Variants in GALNT15 observed in about 807,000 individuals in gnomAD.
The protein encoded by GALNT15 is polypeptide N-acetylgalactosaminyltransferase 15.
GALNT15 carries 67 observed loss-of-function variants against 66.8 expected under a neutral mutation model. That is an observed-to-expected ratio of 1.00 (90% CI 0.82 to 1.23). The LOEUF is 1.23. Ranked by LOEUF, GALNT15 falls within the 50% of genes most tolerant of loss-of-function variation. The pLI is 0.00. For synonymous variants in GALNT15, 313 were observed against 311.5 expected (o/e 1.00, Z -0.05); for missense variants, 827 against 804.3 (o/e 1.03, Z -0.34).
Position 16,187,568 on chromosome 3 carries a change from T to C in GALNT15, c.540-8192T>C, listed in dbSNP as rs2063530798. Among the ~76,000 whole-genome samples the C allele has an allele frequency of 6.6e-6, 1 of 152,192 alleles. No homozygotes were observed. The highest frequency in any genetic ancestry group is 2.1e-4 in the South Asian group (1 of 4,836). ...AAGTGGAAGGCCTTGAGGCTTAATCTTGGGAATTCTCGAATGTCACTTCTA... is the reference window on the plus strand; with the variant it reads ...AAGTGGAAGGCCTTGAGGCTTAATCCTGGGAATTCTCGAATGTCACTTCTA... On this transcript the variant is annotated intron_variant, in intron 1 of 9. Transcript: ENST00000339732. The surrounding 1 kb of genome is among the most constrained non-coding windows in gnomAD (Gnocchi z 5.1).
intron 8 of GALNT15, 34 bp from the exon 9 acceptor site, chr3:16,222,581 C>T: frequency 6.2e-7 from 1 of 1,613,626 alleles, no homozygotes; most frequent in Non-Finnish European, 8.5e-7. Flanking sequence ...GGATCTCTTT[C>T]TAGCTGCGCT....
In GALNT15 at chr3:16,225,425, A is replaced by G. The variant is rs2063996255; in HGVS notation, c.1774-1929A>G. Among the ~76,000 whole-genome samples the G allele has an allele frequency of 6.6e-6, 1 of 152,240 alleles. No homozygotes were observed. The highest frequency in any genetic ancestry group is 2.1e-4 in the South Asian group (1 of 4,830). On this transcript the variant is annotated intron_variant, in intron 9 of 9. Coordinates refer to ENST00000339732, the MANE Select transcript of GALNT15 (RefSeq NM_054110.5). This position sits in a 1 kb window ranked among gnomAD's most constrained non-coding sequence, Gnocchi z 4.4. The stretch of plus-strand genomic sequence containing the variant: ...TTTTTTTAAAAAAGAGGCCAGGCTC[A>G]ATGGCTCACGCCTGTAATCCCAGCA...
chr3:16,181,339 G>C lies in GALNT15; in HGVS notation c.539+5649G>C, dbSNP rs1244334531. Among the ~76,000 whole-genome samples the C allele has an allele frequency of 6.6e-6, 1 of 152,090 alleles. No homozygotes were observed. The highest frequency in any genetic ancestry group is 2.4e-5 in the African/African-American group (1 of 41,414). On this transcript the variant is annotated intron_variant, in intron 1 of 9. Transcript: ENST00000339732. The surrounding 1 kb of genome is among the most constrained non-coding windows in gnomAD (Gnocchi z 5.9). ...TTAAAACTCCCCAGGTGGTTCTATC[G>C]TGAAGCCAGGCTGCAAGGCCCCAGG...
In GALNT15 at chr3:16,219,997, G is replaced by T. The variant is rs760854018; in HGVS notation, c.1612G>T (p.Asp538Tyr). ...GCPMVLAPCS[D>Y]SRQQQYLQHT... ...TCCCATGGTGTTGGCTCCTTGCAGT[G>T]ACAGCCGGCAGCAACAGGTGGGTAG... Residue 538 changes from aspartate (D) to tyrosine (Y), a missense_variant, in exon 8 of 10, where the codon GAC becomes TAC. Transcript: ENST00000339732. This position sits in a 1 kb window ranked among gnomAD's most constrained non-coding sequence, Gnocchi z 4.3. 1 of 1,614,004 alleles carries T rather than the reference G, an allele frequency of 6.2e-7. No individual in the cohort carries two copies. The highest frequency in any genetic ancestry group is 1.3e-5 in the African/African-American group (1 of 74,944).
chr3:16,208,725 A>AGCCT (rs2063783680), intron 4 of GALNT15, 55 bp downstream of exon 4: 1 of 1,536,978 alleles, frequency 6.5e-7, no homozygotes, highest in Admixed American at 1.7e-5. Context: ...TGGACTCTGC[A>AGCCT]GCCTGCCTGC....
At position 16,193,304 on chromosome 3, in the gene GALNT15, G is replaced by A. The variant is rs780669241; in HGVS notation, c.540-2456G>A. Reference sequence around the variant, plus strand: ...AGGCCCTTATAACCTATATATTTATGTTCTTTCTCCAAATGCTGACTTTCT... The same window carrying A: ...AGGCCCTTATAACCTATATATTTATATTCTTTCTCCAAATGCTGACTTTCT... On this transcript the variant is annotated intron_variant, in intron 1 of 9. Coordinates refer to ENST00000339732, the MANE Select transcript of GALNT15 (RefSeq NM_054110.5). This position sits in a 1 kb window ranked among gnomAD's most constrained non-coding sequence, Gnocchi z 4.7. 1.3e-5 allele frequency among the ~76,000 whole-genome samples: 2 copies of A among 152,098 alleles called. No homozygotes were observed. The highest frequency in any genetic ancestry group is 2.4e-5 in the African/African-American group (1 of 41,412).
In GALNT15 at chr3:16,222,664, AC is replaced by A. The variant is rs2063956435; in HGVS notation, c.1681del (p.Leu561CysfsTer10). The A allele has an allele frequency of 6.2e-7, 1 of 1,614,122 alleles. No homozygotes were observed. The highest frequency in any genetic ancestry group is 1.3e-5 in the African/African-American group (1 of 74,948). On this transcript the variant is annotated frameshift_variant, in exon 9 of 10. Coordinates refer to ENST00000339732, the MANE Select transcript of GALNT15 (RefSeq NM_054110.5). LOFTEE classifies it high-confidence loss of function. ...GAGATTCACTTTGGCAGCCCACAGCACCTGTGCTTTGCTGTCAGGCAGGAGC... is the reference window on the plus strand; with the variant it reads ...GAGATTCACTTTGGCAGCCCACAGCACTGTGCTTTGCTGTCAGGCAGGAGC... ...RKEIHFGSPQ[H>X]LCFAVRQEQV...
Position 16,219,432 on chromosome 3 carries a change from G to A in GALNT15, c.1422G>A (p.Leu474=). Residue 474 remains leucine, a synonymous_variant, in exon 7 of 10, where the codon TTG becomes TTA. Coordinates refer to ENST00000339732, the MANE Select transcript of GALNT15 (RefSeq NM_054110.5). This position sits in a 1 kb window ranked among gnomAD's most constrained non-coding sequence, Gnocchi z 4.3. The stretch of plus-strand genomic sequence containing the variant: ...AGAAGCCAGACTGCATGGAACGCTT[G>A]CAGCTGCAAAGGAGACTGGGTTGTC... ...KAEKPDCMER[L]QLQRRLGCRT... is the part of the protein sequence containing the mutation. 2 of 1,614,212 alleles carry A rather than the reference G, an allele frequency of 1.2e-6. No individual in the cohort carries two copies. Among genetic ancestry groups the A allele is most frequent in the Non-Finnish European group, 1.7e-6 (2 of 1,180,036 alleles).
intron 6 of GALNT15, among the ~76,000 whole-genome samples, chr3:16,214,998 C>A (rs2063856840): frequency 6.6e-6 from 1 of 152,152 alleles, no homozygotes; most frequent in Non-Finnish European, 1.5e-5. Flanking sequence ...TTTCAGAGGA[C>A]ATTTTCTTAA....
At position 16,229,540 on chromosome 3, in the gene GALNT15, A is replaced by G. The variant is rs1192263634; in HGVS notation, c.*2040A>G. 5.1e-6 allele frequency: 5 copies of G among 984,802 alleles called. No individual in the cohort carries two copies. The highest frequency in any genetic ancestry group is 6.0e-6 in the Non-Finnish European group (5 of 829,494). 61.0% of individuals were successfully genotyped at this position (984,802 alleles called of 1,614,324 possible). ...CTGTCTTCTTGCTTCAGACCCATCT[A>G]TATTTAAAACAAATTTCCCTAAATC... is the stretch of plus-strand genomic sequence containing the variant. On this transcript the variant is annotated 3_prime_UTR_variant, in exon 10 of 10. Transcript: ENST00000339732.
intron 1 of GALNT15, among the ~76,000 whole-genome samples, chr3:16,192,439 C>T (rs185074777): frequency 1.3e-5 from 2 of 152,306 alleles, no homozygotes; most frequent in East Asian, 1.9e-4. Flanking sequence ...TAGCCAGCCT[C>T]CCGGCAACAA....
chr3:16,175,738 G>A lies in GALNT15; in HGVS notation c.539+48G>A, dbSNP rs1251853890. ...CTTCCCTGATCCCAGGGCATGATCG[G>A]GTGGTAGCAAACTCGGGAATGCAAA... is the stretch of plus-strand genomic sequence containing the variant. On this transcript the variant is annotated intron_variant, in intron 1 of 9. Coordinates refer to ENST00000339732, the MANE Select transcript of GALNT15 (RefSeq NM_054110.5). The surrounding 1 kb of genome is among the most constrained non-coding windows in gnomAD (Gnocchi z 5.6). 6.7e-7 allele frequency: 1 copy of A among 1,493,514 alleles called. No individual in the cohort carries two copies. The highest frequency in any genetic ancestry group is 8.9e-7 in the Non-Finnish European group (1 of 1,117,608). The allele number at this position is 1,493,514 out of a possible 1,614,324, so 92.5% of individuals were successfully genotyped here. A position where few individuals can be genotyped will look rare whatever the true frequency, so the allele number is the denominator to read the frequency against.
In GALNT15 at chr3:16,198,841, G is replaced by T. The variant is rs758968062; in HGVS notation, c.707-1778G>T. On this transcript the variant is annotated intron_variant, in intron 2 of 9. Transcript: ENST00000339732. ...TGTATGAAGTCTGCTGGGGGCTCTC[G>T]GGTGGGGCTGCCTTAACCTTCTCCA... Among the ~76,000 whole-genome samples, 2 of 141,646 alleles carry T rather than the reference G, an allele frequency of 1.4e-5. 1 individual carries two copies. Among genetic ancestry groups the T allele is most frequent in the Non-Finnish European group, 3.1e-5 (2 of 64,080 alleles). 92.9% of individuals were successfully genotyped at this position (141,646 alleles called of 152,430 possible).
In GALNT15 at chr3:16,188,797, A is replaced by T. The variant is rs1346818558; in HGVS notation, c.540-6963A>T. Among the ~76,000 whole-genome samples the T allele has an allele frequency of 6.6e-6, 1 of 151,762 alleles. No homozygotes were observed. Among genetic ancestry groups the T allele is most frequent in the Non-Finnish European group, 1.5e-5 (1 of 67,976 alleles). On this transcript the variant is annotated intron_variant, in intron 1 of 9. Coordinates refer to ENST00000339732, the MANE Select transcript of GALNT15 (RefSeq NM_054110.5). The surrounding 1 kb of genome is among the most constrained non-coding windows in gnomAD (Gnocchi z 4.6). ...CTGTAAGGTTGGGTGGGAGCGGGGG[A>T]GGAAGAGTGGATAGATTGCAAAGCA...
chr3:16,208,401 G>A, intron 3 of GALNT15, 102 bp from the exon 4 acceptor site: 1 of 1,122,792 alleles, frequency 8.9e-7, no homozygotes, highest in Non-Finnish European at 1.3e-6. Flanking sequence ...TTAGGTACGG[G>A]TGTCTGGTAG....
At position 16,195,973 on chromosome 3, in the gene GALNT15, T is replaced by G. The variant is rs761828675; in HGVS notation, c.706+47T>G. ...GCTCGTCTGGGTGAGCCTTACCCCC[T>G]GGCGGGTGGAGTTCTCAAGCAAAAG... On this transcript the variant is annotated intron_variant, in intron 2 of 9. Transcript: ENST00000339732. The surrounding 1 kb of genome is among the most constrained non-coding windows in gnomAD (Gnocchi z 4.6). 6.3e-7 allele frequency: 1 copy of G among 1,590,964 alleles called. No individual in the cohort carries two copies. The highest frequency in any genetic ancestry group is 1.1e-5 in the South Asian group (1 of 89,522).
chr3:16,231,334 A>C (rs557389774), downstream of GALNT15, among the ~76,000 whole-genome samples: 2 of 152,318 alleles, frequency 1.3e-5, no homozygotes, highest in African/African-American at 4.8e-5. This position sits in a 1 kb window ranked among gnomAD's most constrained non-coding sequence, Gnocchi z 4.1. Context: ...AAATAATAAT[A>C]GTCCCTCCAA....
rs963188409 is a variant in GALNT15 at position 16,175,492 on chromosome 3, G to C, written c.341G>C (p.Gly114Ala). 2 of 1,613,802 alleles carry C rather than the reference G, an allele frequency of 1.2e-6. No homozygotes were observed. Among genetic ancestry groups the C allele is most frequent in the African/African-American group, 1.3e-5 (1 of 74,918 alleles). ...AGGAACCAGAGCCAGGGCAGGAGAG[G>C]TGGGAGCTACCGCCTCATCAAGCAG... ...ARRNQSQGRR[G>A]GSYRLIKQPR... is the part of the protein sequence containing the mutation. The change falls in exon 1 of 10, where the codon GGT (glycine) becomes GCT (alanine). Residue 114 changes from glycine (G) to alanine (A), a missense_variant. By Grantham distance (60) the Gly-to-Ala change is moderately conservative. Coordinates refer to ENST00000339732, the MANE Select transcript of GALNT15 (RefSeq NM_054110.5). This position sits in a 1 kb window ranked among gnomAD's most constrained non-coding sequence, Gnocchi z 5.6.
chr3:16,236,131 A>AAAAAAG (rs869163721), downstream of GALNT15, among the ~76,000 whole-genome samples: 1 of 147,398 alleles, frequency 6.8e-6, no homozygotes, highest in Admixed American at 6.7e-5. Flanking sequence ...AAAAAAAAAA[A>AAAAAAG]GGACTGGGCA....
Sources: allele counts gnomAD v4.1 joint callset (sites outside exome capture counted in the v4.1 genomes callset), GRCh38; gene constraint gnomAD v4.1.1; non-coding constraint Gnocchi (gnomAD v3.1); transcripts MANE v1.5; gene names NCBI Gene and HGNC (gene_info 2026-07-23, HGNC 2026-07-21).